CDH18: variants seen among roughly 807,000 people sequenced by gnomAD.
CDH18 encodes cadherin-18.
In CDH18, 31 loss-of-function variants were observed where a neutral mutation model predicts 67.9. The observed-to-expected ratio is 0.46, with a 90% CI of 0.34 to 0.62. The LOEUF (loss-of-function observed/expected upper bound fraction) is 0.62, where lower values mean the gene tolerates loss of function less well. Ranked by LOEUF, CDH18 falls within the 20% of genes least tolerant of loss-of-function variation. The probability of loss-of-function intolerance (pLI) is 0.01; values close to 1 mark genes in which losing one functional copy is unlikely to be tolerated. For missense variants in CDH18, 890 were observed against 975.5 expected (o/e 0.91, Z 1.17); for synonymous variants, 362 against 347.2 (o/e 1.04, Z -0.48).
chr5:19,898,428 G>A (rs1040714056), intron 2 of CDH18, among the ~76,000 whole-genome samples: 2 of 151,626 alleles, frequency 1.3e-5, no homozygotes, highest in Non-Finnish European at 2.9e-5. Context: ...CAAATTTCAG[G>A]GTGCCTTTTA....
At chr5:20,166,948 A>T (rs778314795) in intron 2 of CDH18, among the ~76,000 whole-genome samples, 1 of 152,196 alleles carries the variant, frequency 6.6e-6, no homozygotes, top group Non-Finnish European at 1.5e-5. Flanking sequence ...TCTAAAAAGT[A>T]TCTTGTAATT....
chr5:20,538,426 A>C (rs1459524948), intron 1 of CDH18, among the ~76,000 whole-genome samples: 1 of 152,194 alleles, frequency 6.6e-6, no homozygotes, highest in African/African-American at 2.4e-5. Context: ...GTCCACATTA[A>C]CATTTTAATT....
intron 6 of CDH18, among the ~76,000 whole-genome samples, chr5:19,607,649 A>C (rs350679): frequency 0.73 from 110,891 of 151,112 alleles, 40,957 homozygotes; most frequent in East Asian, 1. Flanking sequence ...AGATACTTAT[A>C]AGTGTAGTAA....
intron 2 of CDH18, among the ~76,000 whole-genome samples, chr5:20,069,469 A>G (rs1291551729): frequency 6.6e-6 from 1 of 151,558 alleles, no homozygotes; most frequent in East Asian, 1.9e-4. Context: ...CTGGAGTGCA[A>G]TAGCACCATC....
At chr5:19,545,710 T>A (rs926008144) in intron 8 of CDH18, among the ~76,000 whole-genome samples, 1 of 152,198 alleles carries the variant, frequency 6.6e-6, no homozygotes, top group East Asian at 1.9e-4. Flanking sequence ...CTGAGGTGGA[T>A]AAAAAGAGCT....
At chr5:19,980,914 T>C (rs1215828914) in intron 2 of CDH18, 146 bp downstream of exon 2, 3 of 152,194 alleles carry the variant, frequency 2.0e-5, no homozygotes. Context: ...TTTCGCTTCT[T>C]AGGGAATATC....
intron 5 of CDH18, among the ~76,000 whole-genome samples, chr5:19,683,317 T>G (rs921550118): frequency 1.3e-5 from 2 of 152,110 alleles, no homozygotes; most frequent in Non-Finnish European, 2.9e-5. Context: ...ATTCTATTTT[T>G]CTAATATATG....
intron 1 of CDH18, among the ~76,000 whole-genome samples, chr5:20,260,404 G>A (rs764684431): frequency 6.6e-6 from 1 of 151,902 alleles, no homozygotes; most frequent in African/African-American, 2.4e-5. Flanking sequence ...CTCTACTTAC[G>A]GAATTACACT....
At chr5:19,560,277 T>C (rs969149953) in intron 8 of CDH18, among the ~76,000 whole-genome samples, 3 of 151,968 alleles carry the variant, frequency 2.0e-5, no homozygotes, top group Non-Finnish European at 2.9e-5. Context: ...TATAAGGCCA[T>C]AGTCACCAAA....
intron 1 of CDH18, among the ~76,000 whole-genome samples, chr5:20,320,809 G>T (rs937778089): frequency 5.9e-5 from 9 of 152,192 alleles, no homozygotes; most frequent in African/African-American, 1.9e-4. Context: ...GCCCATGAGG[G>T]GACTGATGGA....
At chr5:19,969,906 A>G (rs1326760979) in intron 2 of CDH18, among the ~76,000 whole-genome samples, 1 of 152,142 alleles carries the variant, frequency 6.6e-6, no homozygotes, top group Non-Finnish European at 1.5e-5. Flanking sequence ...TTATAGTAAT[A>G]TAAACATTTA....
intron 5 of CDH18, among the ~76,000 whole-genome samples, chr5:19,626,338 A>C (rs1751541292): frequency 1.3e-5 from 2 of 152,358 alleles, no homozygotes; most frequent in East Asian, 1.9e-4. Flanking sequence ...AGCACACAAG[A>C]TGTGAAAAAC....
intron 1 of CDH18, among the ~76,000 whole-genome samples, chr5:20,275,644 C>T (rs1745752905): frequency 6.6e-6 from 1 of 151,978 alleles, no homozygotes; most frequent in African/African-American, 2.4e-5. Context: ...GCAAGGTGGC[C>T]AAATAGAAGC....
chr5:20,525,981 A>G (rs1343179264), intron 1 of CDH18, among the ~76,000 whole-genome samples: 3 of 151,502 alleles, frequency 2.0e-5, no homozygotes, highest in East Asian at 1.9e-4. Context: ...TAGCAAAAGA[A>G]AACAATATTG....
chr5:20,274,020 C>T (rs575704011), intron 1 of CDH18, among the ~76,000 whole-genome samples: 1 of 152,050 alleles, frequency 6.6e-6, no homozygotes, highest in African/African-American at 2.4e-5. Flanking sequence ...GGTGGAGAAA[C>T]GGAGACAAAA....
chr5:20,136,031 A>G (rs1446079710), intron 2 of CDH18, among the ~76,000 whole-genome samples: 1 of 152,180 alleles, frequency 6.6e-6, no homozygotes, highest in Admixed American at 6.5e-5. Context: ...CAATTTTGGA[A>G]TAAGTGCAAT....
chr5:19,963,453 A>T (rs1797112302), intron 2 of CDH18, among the ~76,000 whole-genome samples: 2 of 151,916 alleles, frequency 1.3e-5, no homozygotes, highest in South Asian at 4.2e-4. Context: ...CATGGGAGGG[A>T]TCTGGTGGGA....
At chr5:20,448,059 C>G (rs939987632) in intron 1 of CDH18, among the ~76,000 whole-genome samples, 2 of 151,986 alleles carry the variant, frequency 1.3e-5, no homozygotes, top group African/African-American at 2.4e-5. Context: ...CCTCTCCCCC[C>G]ACCCCACAAC....
chr5:19,473,800 T>A (rs1737981629), intron 12 of CDH18, 84 bp from the exon 13 acceptor site: 2 of 1,181,402 alleles, frequency 1.7e-6, no homozygotes, highest in Admixed American at 4.4e-5. Context: ...TTTCCCATTT[T>A]CCCATTCGTC....
Sources: allele counts gnomAD v4.1 joint callset (sites outside exome capture counted in the v4.1 genomes callset), GRCh38; gene constraint gnomAD v4.1.1; transcripts MANE v1.5; gene names NCBI Gene and HGNC (gene_info 2026-07-23, HGNC 2026-07-21).